Variants in NAT1 observed in about 807,000 individuals in gnomAD.
NAT1 encodes the protein arylamine N-acetyltransferase 1.
For missense variants in NAT1, 400 were observed against 339.2 expected (o/e 1.18, Z -1.41); for synonymous variants, 144 against 122.6 (o/e 1.17, Z -1.16).
At chr8:18,221,943 A>T in intron 2 of NAT1, 99 bp from the exon 3 acceptor site, 1 of 1,230,864 alleles carries the variant, frequency 8.1e-7, no homozygotes, top group South Asian at 1.5e-5. Context: ...ACTTATAACC[A>T]TTGTATTTTT....
At chr8:18,187,653 G>A (rs1345337340) in intron 2 of NAT1, among the ~76,000 whole-genome samples, 1 of 151,976 alleles carries the variant, frequency 6.6e-6, no homozygotes, top group Non-Finnish European at 1.5e-5. Context: ...ATTAAATGAT[G>A]AGAACACATG....
intron 2 of NAT1, among the ~76,000 whole-genome samples, chr8:18,220,367 A>T (rs1410409515): frequency 6.6e-6 from 1 of 152,054 alleles, no homozygotes; most frequent in Non-Finnish European, 1.5e-5. Flanking sequence ...AAAATAAGAG[A>T]TGCTCCACTT....
chr8:18,186,625 C>A (rs1195283109), intron 2 of NAT1, among the ~76,000 whole-genome samples: 2 of 152,020 alleles, frequency 1.3e-5, no homozygotes, highest in Non-Finnish European at 1.5e-5. Flanking sequence ...CCCATATGTA[C>A]TTGATTCATT....
rs1008397809 is a variant in NAT1, at chr8:18,219,466, C to T, written c.-30C>T. ...CTTCTGGATTAAAACTGAAGATCAA[C>T]CTACTTTCAACTTACTAAGAAAGGT... On this transcript the variant is annotated 5_prime_UTR_variant, in exon 2 of 3. Transcript: ENST00000307719. 34 of 1,550,200 alleles carry T rather than the reference C, an allele frequency of 2.2e-5. No homozygotes were observed. Among genetic ancestry groups the T allele is most frequent in the Non-Finnish European group, 2.9e-5 (33 of 1,146,282 alleles).
chr8:18,184,124 A>T (rs2117230979), intron 2 of NAT1, among the ~76,000 whole-genome samples: 1 of 152,256 alleles, frequency 6.6e-6, no homozygotes, highest in African/African-American at 2.4e-5. Context: ...CCCCTGTGAC[A>T]AGTCTCTGCC....
chr8:18,188,146 A>T (rs1195866374), intron 2 of NAT1, among the ~76,000 whole-genome samples: 1 of 152,194 alleles, frequency 6.6e-6, no homozygotes, highest in African/African-American at 2.4e-5. Context: ...ACTAGAAATA[A>T]AGGACGCTAA....
intron 2 of NAT1, among the ~76,000 whole-genome samples, chr8:18,219,780 C>G (rs1283902561): frequency 2.0e-5 from 3 of 152,136 alleles, no homozygotes; most frequent in African/African-American, 4.8e-5. Context: ...TTGCTCTATC[C>G]AGGCCTCTAA....
chr8:18,192,011 CT>C (rs1158289119), intron 2 of NAT1, among the ~76,000 whole-genome samples: 1 of 151,636 alleles, frequency 6.6e-6, no homozygotes, highest in Non-Finnish European at 1.5e-5. Flanking sequence ...AACTAAAGAG[CT>C]TCTGCACAGC....
chr8:18,177,808 A>T (rs549289070), intron 2 of NAT1, among the ~76,000 whole-genome samples: 1 of 152,262 alleles, frequency 6.6e-6, no homozygotes, highest in African/African-American at 2.4e-5. Context: ...GTTGTCCAGG[A>T]GAATCCAAAA....
At chr8:18,184,679 G>A (rs535962655) in intron 2 of NAT1, among the ~76,000 whole-genome samples, 2 of 152,184 alleles carry the variant, frequency 1.3e-5, no homozygotes, top group Admixed American at 1.3e-4. Context: ...TCCAACAGTA[G>A]TGGGAGGCAG....
chr8:18,196,980 A>G (rs1803260033), intron 2 of NAT1, among the ~76,000 whole-genome samples: 2 of 152,208 alleles, frequency 1.3e-5, no homozygotes, highest in Non-Finnish European at 2.9e-5. Context: ...GTTGACTCAC[A>G]GCTCTGCAGG....
chr8:18,173,351 C>T (rs1443298838), intron 2 of NAT1, among the ~76,000 whole-genome samples: 1 of 152,178 alleles, frequency 6.6e-6, no homozygotes, highest in Admixed American at 6.5e-5. Flanking sequence ...CTGTCTTCTA[C>T]AATAGGTCCC....
intron 1 of NAT1, among the ~76,000 whole-genome samples, chr8:18,211,497 A>T (rs1251766262): frequency 1.3e-5 from 2 of 152,236 alleles, no homozygotes; most frequent in Non-Finnish European, 2.9e-5. Context: ...CACGCTGCCC[A>T]GAGACTTATT....
upstream of NAT1, among the ~76,000 whole-genome samples, chr8:18,208,175 G>A (rs991711598): frequency 6.6e-6 from 1 of 152,016 alleles, no homozygotes; most frequent in Non-Finnish European, 1.5e-5. Context: ...AATGCATGAT[G>A]GGCTTAATAC....
At position 18,222,781 on chromosome 8, in the gene NAT1, A is replaced by G; in HGVS notation, c.734A>G (p.Asn245Ser). 1 of 1,613,620 alleles carries G rather than the reference A, an allele frequency of 6.2e-7. No individual in the cohort carries two copies. Among genetic ancestry groups the G allele is most frequent in the East Asian group, 2.2e-5 (1 of 44,874 alleles). ...VGFTLTHRRF[N>S]YKDNTDLIEF... ...TTCACCCTCACCCATAGGAGATTCA[A>G]TTATAAGGACAATACAGATCTAATA... The change falls in exon 3 of 3, where the codon AAT (asparagine) becomes AGT (serine). Residue 245 changes from asparagine to serine, a missense_variant. Physicochemically the swap from Asn to Ser is conservative, Grantham distance 46. Transcript: ENST00000307719.
At position 18,223,363 on chromosome 8, in the gene NAT1, A is replaced by T. The variant is rs532289704; in HGVS notation, c.*443A>T. 1.8e-5 allele frequency: 3 copies of T among 167,218 alleles called. No individual in the cohort carries two copies. The East Asian group carries it at 5.8e-4, about 32-fold the overall frequency. 10.4% of individuals were successfully genotyped at this position (167,218 alleles called of 1,614,324 possible). On this transcript the variant is annotated 3_prime_UTR_variant, in exon 3 of 3. Transcript: ENST00000307719. ...AAGACTTAGGATATTATGGTGCTACATAATTTTTCCTCGATGCTCTCTTCC... is the reference window on the plus strand; with the variant it reads ...AAGACTTAGGATATTATGGTGCTACTTAATTTTTCCTCGATGCTCTCTTCC...
intron 1 of NAT1, among the ~76,000 whole-genome samples, chr8:18,214,600 C>T (rs1804442813): frequency 6.6e-6 from 1 of 151,912 alleles, no homozygotes; most frequent in African/African-American, 2.4e-5. Flanking sequence ...CAGTGGCAAA[C>T]ATGTTGTATC....
In NAT1 at chr8:18,171,883, A is replaced by G. The variant is rs751783215; in HGVS notation, n.92+1144A>G. Among the ~76,000 whole-genome samples the G allele has an allele frequency of 2.1e-4, 32 of 152,336 alleles. 1 individual carries two copies. The highest frequency in any genetic ancestry group is 5.9e-5 in the Non-Finnish European group (4 of 68,034). On this transcript the variant is annotated intron_variant and non_coding_transcript_variant, in intron 2 of 4. Coordinates refer to the NAT1 transcript ENST00000517441. ...TAAAAGTAAGTAGCAGTGGTTGCCAAACTGGTAGCGATCTTCTCTGAGGTA... is the reference window on the plus strand; with the variant it reads ...TAAAAGTAAGTAGCAGTGGTTGCCAGACTGGTAGCGATCTTCTCTGAGGTA...
chr8:18,212,370 T>C (rs1439160689), intron 1 of NAT1: 1 of 152,246 alleles, frequency 6.6e-6, no homozygotes, highest in East Asian at 1.9e-4. Context: ...TACTCTCCTT[T>C]CTTACCTTTC....
Sources: gnomAD v4.1 joint callset for allele counts (sites outside exome capture counted in the v4.1 genomes callset) on GRCh38, gnomAD v4.1.1 for gene constraint, MANE v1.5 for transcripts, NCBI Gene and HGNC (gene_info 2026-07-23, HGNC 2026-07-21) for gene names.